Variants in SLC2A2 observed in about 807,000 individuals in gnomAD.
SLC2A2 encodes solute carrier family 2, facilitated glucose transporter member 2.
SLC2A2 carries 36 observed loss-of-function variants against 54.5 expected under a neutral mutation model. The observed-to-expected ratio is 0.66, with a 90% confidence interval of 0.51 to 0.87. SLC2A2 has a LOEUF of 0.87. Among genes scored for constraint, SLC2A2 ranks in the 40% least tolerant of loss-of-function variants. The pLI is 0.00. For synonymous variants in SLC2A2, 223 were observed against 219.1 expected (o/e 1.02, Z -0.16); for missense variants, 543 against 624.3 (o/e 0.87, Z 1.39).
chr3:171,024,326 A>G (rs78381378), intron 1 of SLC2A2, among the ~76,000 whole-genome samples: 1,620 of 152,320 alleles, frequency 0.011, 25 homozygotes, highest in African/African-American at 0.028. Flanking sequence ...GCAATACCAC[A>G]AAGTACATGA....
At chr3:171,010,434 C>T (rs1021597571) in intron 3 of SLC2A2, among the ~76,000 whole-genome samples, 3 of 152,132 alleles carry the variant, frequency 2.0e-5, no homozygotes, top group African/African-American at 7.2e-5. Context: ...AGCCTAATCT[C>T]TACATTTTGA....
intron 3 of SLC2A2, 84 bp from the exon 4 acceptor site, chr3:171,010,166 T>C: frequency 7.1e-7 from 1 of 1,398,918 alleles, no homozygotes; most frequent in Non-Finnish European, 1.0e-6. Context: ...TGAGATTTTT[T>C]TTAACCTAAG....
intron 1 of SLC2A2, among the ~76,000 whole-genome samples, chr3:171,025,000 A>G (rs548372069): frequency 5.1e-4 from 78 of 152,350 alleles, no homozygotes; most frequent in African/African-American, 1.7e-3. Context: ...GCCAGACACT[A>G]TGTTAAGCAC....
In SLC2A2 at chr3:171,010,101, AG is replaced by A. The variant is rs1416136498; in HGVS notation, c.372-20del. ...TTTGATTCTGAAATTTTAAAAAGCAAGGAATATAAATTCAGCATCAAAACTT... is the reference window on the plus strand; with the variant it reads ...TTTGATTCTGAAATTTTAAAAAGCAAGAATATAAATTCAGCATCAAAACTT... On this transcript the variant is annotated intron_variant, in intron 3 of 10. Transcript: ENST00000314251. 12 of 1,610,832 alleles carry A rather than the reference AG, an allele frequency of 7.4e-6. No individual in the cohort carries two copies. The highest frequency in any genetic ancestry group is 1.0e-5 in the Non-Finnish European group (12 of 1,177,844).
Position 171,005,444 on chromosome 3 carries a change from AT to A in SLC2A2, c.803del (p.Asp268ValfsTer9). On this transcript the variant is annotated frameshift_variant, in exon 7 of 11. Transcript: ENST00000314251. LOFTEE classifies it high-confidence loss of function. ...QSLKRLRGYD[D>X]VTKDINEMRK... ...TCATTTCATTAATATCTTTGGTGAC[AT>A]CATCATATCCTCTGAGTCTTTTCAA... 1 of 1,612,068 alleles carries A rather than the reference AT, an allele frequency of 6.2e-7. No homozygotes were observed. Among genetic ancestry groups the A allele is most frequent in the Non-Finnish European group, 8.5e-7 (1 of 1,178,714 alleles).
At chr3:171,026,524 C>A in intron 1 of SLC2A2, 132 bp downstream of exon 1, 1 of 808,484 alleles carries the variant, frequency 1.2e-6, no homozygotes, top group Non-Finnish European at 2.2e-6. Flanking sequence ...CTTCAATTGG[C>A]AAAGTAAAGA....
At position 171,017,894 on chromosome 3, in the gene SLC2A2, G is replaced by A. The variant is rs188862918; in HGVS notation, c.108+637C>T. Reference sequence around the variant, plus strand: ...TTAAAAATTCACCCAAGGAGTCATCGTGGAGAAAATCCAAACTTTGTTGAG... The same window carrying A: ...TTAAAAATTCACCCAAGGAGTCATCATGGAGAAAATCCAAACTTTGTTGAG... On this transcript the variant is annotated intron_variant, in intron 2 of 10. Transcript: ENST00000314251. 1.5e-3 allele frequency among the ~76,000 whole-genome samples: 227 copies of A among 152,322 alleles called. 1 individual carries two copies. The highest frequency in any genetic ancestry group is 5.2e-3 in the African/African-American group (217 of 41,566).
At chr3:171,005,692 A>C (rs530680886) in intron 6 of SLC2A2, among the ~76,000 whole-genome samples, 1 of 152,114 alleles carries the variant, frequency 6.6e-6, no homozygotes, top group Admixed American at 6.6e-5. Context: ...TATGATCCTC[A>C]TTATATTAGA....
chr3:171,001,534 C>G (rs1715332875), intron 8 of SLC2A2, among the ~76,000 whole-genome samples: 1 of 151,826 alleles, frequency 6.6e-6, no homozygotes, highest in South Asian at 2.1e-4. Context: ...TATTGATCAC[C>G]CTAAGGTAAT....
rs5399 is a variant in SLC2A2 at position 170,997,972 on chromosome 3, C to T, written c.1506G>A (p.Lys502=). Residue 502 remains lysine, a synonymous_variant, in exon 11 of 11, where the codon AAG becomes AAA. Transcript: ENST00000314251. ...FEEIAAEFQK[K]SGSAHRPKAA... ...CTTTTGGCCTGTGGGCTGAGCCACT[C>T]TTCTTTTGGAATTCTGCAGCAATTT... is the stretch of plus-strand genomic sequence containing the variant. 8.9e-5 allele frequency: 143 copies of T among 1,613,662 alleles called. No individual in the cohort carries two copies. The African/African-American group carries it at 1.4e-3, about 16-fold the overall frequency.
At chr3:171,010,139 T>A in intron 3 of SLC2A2, 57 bp from the exon 4 acceptor site, 1 of 1,561,836 alleles carries the variant, frequency 6.4e-7, no homozygotes, top group Non-Finnish European at 8.8e-7. Context: ...CTAAAATTAT[T>A]CGCTTTCAGA....
At chr3:171,002,853 G>A (rs1187969351) in intron 7 of SLC2A2, among the ~76,000 whole-genome samples, 173 bp from the exon 8 acceptor site, 2 of 152,102 alleles carry the variant, frequency 1.3e-5, no homozygotes, top group South Asian at 2.1e-4. Flanking sequence ...TTCCTTTAGT[G>A]TTTAAAGCTT....
chr3:171,012,291 C>T (rs1715923819), intron 3 of SLC2A2, among the ~76,000 whole-genome samples: 1 of 152,154 alleles, frequency 6.6e-6, no homozygotes, highest in Non-Finnish European at 1.5e-5. Flanking sequence ...TCTTAGAGAA[C>T]CTAATAACTT....
intron 8 of SLC2A2, among the ~76,000 whole-genome samples, chr3:171,000,567 G>C (rs1255163625): frequency 6.6e-6 from 1 of 152,034 alleles, no homozygotes; most frequent in Non-Finnish European, 1.5e-5. Flanking sequence ...TGGGCTCTTA[G>C]TTCCAATTTG....
intron 4 of SLC2A2, among the ~76,000 whole-genome samples, chr3:171,007,858 C>T (rs1274851590): frequency 1.3e-5 from 2 of 152,014 alleles, no homozygotes; most frequent in Admixed American, 6.6e-5. Flanking sequence ...CAGTTAGAAA[C>T]CAGGGAAACC....
rs1412289847 is a variant in SLC2A2 at position 171,007,195 on chromosome 3, C to T, written c.565G>A (p.Gly189Ser). Reference protein sequence around the residue: ...IAPTALRGALGTFHQLAIVTG... With the variant: ...IAPTALRGALSTFHQLAIVTG... ...ACGATGGCCAGCTGATGAAAAGTGC[C>T]AAGTGCTCCCCTGAGAGCGGTTGGA... Residue 189 changes from glycine (G) to serine (S), a missense_variant, in exon 5 of 11, where the codon GGC (glycine) becomes AGC (serine). Physicochemically the swap from Gly to Ser is moderately conservative, Grantham distance 56. Transcript: ENST00000314251. 1 of 1,612,780 alleles carries T rather than the reference C, an allele frequency of 6.2e-7. No homozygotes were observed. Among genetic ancestry groups the T allele is most frequent in the Non-Finnish European group, 8.5e-7 (1 of 1,179,186 alleles).
rs1716635966 is a variant in SLC2A2 at position 171,025,282 on chromosome 3, AT to A, written c.15+1373del. Among the ~76,000 whole-genome samples, 2 of 150,358 alleles carry A rather than the reference AT, an allele frequency of 1.3e-5. 1 individual carries two copies. The highest frequency in any genetic ancestry group is 4.9e-5 in the African/African-American group (2 of 41,014). On this transcript the variant is annotated intron_variant, in intron 1 of 10. Coordinates refer to ENST00000314251, the MANE Select transcript of SLC2A2 (RefSeq NM_000340.2). ...AATATCAAACATATAAATGGTGCTT[AT>A]ATAATATGTATTTAAAGTGTTTATA...
chr3:171,022,875 G>A (rs1716524812), intron 1 of SLC2A2, among the ~76,000 whole-genome samples: 1 of 152,134 alleles, frequency 6.6e-6, no homozygotes, highest in African/African-American at 2.4e-5. Context: ...TACATACACA[G>A]CCTAAGTCAC....
chr3:171,019,107 A>G (rs1381007714), intron 1 of SLC2A2, among the ~76,000 whole-genome samples: 112 of 7,160 alleles, frequency 0.016, 1 homozygote, highest in African/African-American at 0.099. Context: ...GTATATATAT[A>G]TATATATATA....
Sources: gnomAD v4.1 joint callset for allele counts (sites outside exome capture counted in the v4.1 genomes callset) on GRCh38, gnomAD v4.1.1 for gene constraint, MANE v1.5 for transcripts, NCBI Gene and HGNC (gene_info 2026-07-23, HGNC 2026-07-21) for gene names.